XPO7: variants seen among roughly 807,000 people sequenced by gnomAD.
XPO7 encodes the protein exportin-7.
In XPO7, 21 loss-of-function variants were observed where a neutral mutation model predicts 144.3. The observed-to-expected ratio is 0.15, with a 90% confidence interval of 0.10 to 0.21. XPO7 has a LOEUF of 0.21. Ranked by LOEUF, XPO7 falls within the 10% of genes least tolerant of loss-of-function variation. The probability of loss-of-function intolerance (pLI) is 1.00; values close to 1 mark genes in which losing one functional copy is unlikely to be tolerated. For missense variants in XPO7, 808 were observed against 1,325.8 expected, an observed-to-expected ratio of 0.61 and a Z score of 6.06; for synonymous variants, 580 against 499.6, an observed-to-expected ratio of 1.16 and a Z score of -2.15.
At chr8:21,938,994 C>T (rs1810905229) in intron 1 of XPO7, among the ~76,000 whole-genome samples, 1 of 152,068 alleles carries the variant, frequency 6.6e-6, no homozygotes, top group Non-Finnish European at 1.5e-5. Context: ...ATTCATATCT[C>T]ATTTGGTAAC....
rs1300514055 is a variant in XPO7 at position 22,006,362 on chromosome 8, C to G, written c.*1274C>G. On this transcript the variant is annotated 3_prime_UTR_variant, in exon 28 of 28. Transcript: ENST00000252512. ...AATTGTTGCTGCTAGTTGTACACAT[C>G]TCTAGTTCAGCTCTTGCCCACGGGA... 1 of 152,176 alleles carries G rather than the reference C, an allele frequency of 6.6e-6. No homozygotes were observed. Among genetic ancestry groups the G allele is most frequent in the East Asian group, 1.9e-4 (1 of 5,202 alleles). The allele number at this position is 152,176 out of a possible 1,614,324, so 9.4% of individuals were successfully genotyped here.
At chr8:21,980,336 A>C in intron 9 of XPO7, 133 bp downstream of exon 9, 1 of 1,140,762 alleles carries the variant, frequency 8.8e-7, no homozygotes. Flanking sequence ...GTGAATCTCT[A>C]TTTGTAGGCC....
chr8:21,936,357 A>G (rs1225897850), intron 1 of XPO7, among the ~76,000 whole-genome samples: 1 of 152,172 alleles, frequency 6.6e-6, no homozygotes, highest in African/African-American at 2.4e-5. Context: ...TCATAGATGT[A>G]ATTTGAATCT....
chr8:22,001,483 C>T (rs1813145032), intron 24 of XPO7, among the ~76,000 whole-genome samples: 1 of 152,128 alleles, frequency 6.6e-6, no homozygotes, highest in Non-Finnish European at 1.5e-5. Context: ...TGTAAAGACG[C>T]ATAGATGAGT....
chr8:21,955,293 G>T (rs1340153287), intron 1 of XPO7, among the ~76,000 whole-genome samples: 4 of 151,930 alleles, frequency 2.6e-5, no homozygotes, highest in East Asian at 3.9e-4. Flanking sequence ...GGTATATGGG[G>T]TTTTTTTTCC....
chr8:21,919,883 C>T (rs935735179), intron 1 of XPO7, 95 bp downstream of exon 1: 31 of 297,868 alleles, frequency 1.0e-4, no homozygotes, highest in Admixed American at 3.2e-4. Context: ...CGGCTCGGGA[C>T]TCGGCAGGCC....
chr8:21,999,784 G>C (rs1480671042), intron 24 of XPO7, 110 bp downstream of exon 24: 2 of 1,407,342 alleles, frequency 1.4e-6, no homozygotes, highest in Non-Finnish European at 1.9e-6. Flanking sequence ...ACTGCCTTGG[G>C]GGTTTGGCCA....
At chr8:21,954,115 G>GT (rs1462151274) in intron 1 of XPO7, among the ~76,000 whole-genome samples, 1 of 152,168 alleles carries the variant, frequency 6.6e-6, no homozygotes, top group African/African-American at 2.4e-5. Flanking sequence ...AAGTACAATT[G>GT]TTTGAATCTG....
At chr8:21,987,365 A>G (rs1812613662) in intron 14 of XPO7, 89 bp downstream of exon 14, 5 of 1,555,916 alleles carry the variant, frequency 3.2e-6, no homozygotes, top group Middle Eastern at 3.5e-4. Flanking sequence ...TAGTTCACAT[A>G]ACCTCCAGAT....
At chr8:21,989,394 G>T (rs1017353055) in intron 16 of XPO7, among the ~76,000 whole-genome samples, 2 of 152,168 alleles carry the variant, frequency 1.3e-5, no homozygotes, top group South Asian at 4.1e-4. Flanking sequence ...TTTAGTATCC[G>T]TAGTAGAGAC....
intron 11 of XPO7, among the ~76,000 whole-genome samples, chr8:21,983,313 C>A (rs1812466223): frequency 6.6e-6 from 1 of 152,198 alleles, no homozygotes; most frequent in African/African-American, 2.4e-5. Flanking sequence ...ATTGACTTAA[C>A]TGAACCAAAA....
chr8:21,940,722 G>C (rs1048159238), intron 1 of XPO7, among the ~76,000 whole-genome samples: 9 of 152,090 alleles, frequency 5.9e-5, no homozygotes, highest in African/African-American at 2.2e-4. Context: ...ACCTGCCTTG[G>C]CCTCCCAAAG....
rs766842329 is a variant in XPO7, at chr8:21,967,012, G to T, written c.165+9G>T. 3.7e-6 allele frequency: 6 copies of T among 1,611,426 alleles called. No homozygotes were observed. The highest frequency in any genetic ancestry group is 5.1e-6 in the Non-Finnish European group (6 of 1,178,552). Reference sequence around the variant, plus strand: ...TCCTCGAAAGAGGAAGTGTGCGTAAGATCTGAAAATCCTAAAGGATAACAG... The same window carrying T: ...TCCTCGAAAGAGGAAGTGTGCGTAATATCTGAAAATCCTAAAGGATAACAG... On this transcript the variant is annotated intron_variant, in intron 2 of 27. Coordinates refer to ENST00000252512, the MANE Select transcript of XPO7 (RefSeq NM_015024.5).
Position 21,969,528 on chromosome 8 carries a change from G to A in XPO7, c.211G>A (p.Val71Ile). ...LLAATCLTKLVSRTNNPLPLE... is the reference protein window; with the variant it reads ...LLAATCLTKLISRTNNPLPLE... The stretch of plus-strand genomic sequence containing the variant: ...GGCAGCTACATGCCTTACCAAGCTT[G>A]TATCACGCACAAACAACCCCCTACC... The change falls in exon 3 of 28, where the codon GTA becomes ATA. Residue 71 changes from valine (V) to isoleucine (I), a missense_variant. By Grantham distance (29) the Val-to-Ile change is conservative. This residue lies in a region of XPO7 where 223 missense variants were observed against 368.8 expected (regional missense o/e 0.60). Coordinates refer to ENST00000252512, the MANE Select transcript of XPO7 (RefSeq NM_015024.5). 6.2e-7 allele frequency: 1 copy of A among 1,613,766 alleles called. No individual in the cohort carries two copies. Among genetic ancestry groups the A allele is most frequent in the Non-Finnish European group, 8.5e-7 (1 of 1,179,804 alleles).
chr8:21,981,928 C>T, intron 10 of XPO7, 51 bp downstream of exon 10: 1 of 1,602,402 alleles, frequency 6.2e-7, no homozygotes, highest in African/African-American at 1.3e-5. Flanking sequence ...GAATCTCTTG[C>T]TTGTTGGTTT....
chr8:21,974,144 T>C (rs1220032844), intron 5 of XPO7, among the ~76,000 whole-genome samples: 1 of 152,170 alleles, frequency 6.6e-6, no homozygotes, highest in African/African-American at 2.4e-5. Flanking sequence ...CTCCAGGCCC[T>C]CCTGAGTAGC....
Position 21,995,591 on chromosome 8 carries a change from T to A in XPO7, c.2337T>A (p.Val779=). 6.3e-7 allele frequency: 1 copy of A among 1,597,468 alleles called. No homozygotes were observed. Among genetic ancestry groups the A allele is most frequent in the South Asian group, 1.1e-5 (1 of 88,050 alleles). Residue 779 remains valine, a synonymous_variant, in exon 21 of 28, where the codon GTT becomes GTA. Coordinates refer to ENST00000252512, the MANE Select transcript of XPO7 (RefSeq NM_015024.5). ...TACTCAAGTTGATGGCTGAATTGGTTCATAATAGGTAAGCAGGAGGCAGAG... is the reference window on the plus strand; with the variant it reads ...TACTCAAGTTGATGGCTGAATTGGTACATAATAGGTAAGCAGGAGGCAGAG... ...TPVLKLMAEL[V]HNRSQRLQFD... is the part of the protein sequence containing the mutation.
chr8:21,936,451 A>G (rs1249414704), intron 1 of XPO7, among the ~76,000 whole-genome samples: 1 of 152,202 alleles, frequency 6.6e-6, no homozygotes, highest in Non-Finnish European at 1.5e-5. Flanking sequence ...CACCAATGTT[A>G]CTATATGTAT....
chr8:21,960,376 G>A (rs578019141), intron 1 of XPO7, among the ~76,000 whole-genome samples: 4 of 152,324 alleles, frequency 2.6e-5, no homozygotes, highest in African/African-American at 7.2e-5. Context: ...CTATGAGAAG[G>A]AATCCAAGCC....
Sources: gnomAD v4.1 joint callset for allele counts (sites outside exome capture counted in the v4.1 genomes callset) on GRCh38, gnomAD v4.1.1 for gene constraint, gnomAD v4.1.1 regional missense constraint, MANE v1.5 for transcripts, NCBI Gene and HGNC (gene_info 2026-07-23, HGNC 2026-07-21) for gene names.